The following FER variants were observed in gnomAD, a reference collection of about 807,000 sequenced individuals.
FER encodes FER tyrosine kinase.
FER carries 63 observed loss-of-function variants against 111.0 expected under a neutral mutation model. That is an observed-to-expected ratio of 0.57 (90% confidence interval 0.46 to 0.70). The LOEUF (loss-of-function observed/expected upper bound fraction) is 0.70, where lower values mean the gene tolerates loss of function less well. Among genes scored for constraint, FER ranks in the 30% least tolerant of loss-of-function variants. The pLI, the probability that FER is intolerant of heterozygous loss-of-function variation, is 0.00. For missense variants in FER, 914 were observed against 954.0 expected (o/e 0.96, Z 0.55); for synonymous variants, 327 against 313.9 (o/e 1.04, Z -0.44).
At chr5:109,127,308 T>TAG (rs1223118014) in intron 17 of FER, among the ~76,000 whole-genome samples, 8 of 152,222 alleles carry the variant, frequency 5.3e-5, no homozygotes, top group Non-Finnish European at 5.9e-5. Context: ...AGTGTGTCTC[T>TAG]GTGTGTATTG....
At chr5:109,086,615 A>G (rs75732594) in intron 16 of FER, among the ~76,000 whole-genome samples, 5,197 of 151,660 alleles carry the variant, frequency 0.034, 145 homozygotes, top group South Asian at 0.085. Flanking sequence ...TATGTAGATT[A>G]ATTTTCATTC....
chr5:108,911,475 C>T (rs1406429126), intron 10 of FER, among the ~76,000 whole-genome samples: 1 of 151,948 alleles, frequency 6.6e-6, no homozygotes, highest in Admixed American at 6.6e-5. Context: ...TAGTTTAAGT[C>T]TCATTTATCT....
chr5:108,922,695 C>A (rs1397769425), intron 10 of FER, among the ~76,000 whole-genome samples: 1 of 151,918 alleles, frequency 6.6e-6, no homozygotes, highest in African/African-American at 2.4e-5. Context: ...AAAATATAAA[C>A]TTATTCTGGT....
intron 5 of FER, among the ~76,000 whole-genome samples, chr5:108,853,332 A>C (rs1036061005): frequency 6.6e-6 from 1 of 152,242 alleles, no homozygotes; most frequent in Non-Finnish European, 1.5e-5. Flanking sequence ...ATAACAATAC[A>C]TACAAAAATC....
chr5:108,836,652 C>T (rs976481387), intron 5 of FER, among the ~76,000 whole-genome samples: 5 of 152,030 alleles, frequency 3.3e-5, no homozygotes, highest in African/African-American at 1.2e-4. Flanking sequence ...GTTAAACATT[C>T]TCGTTATTTT....
intron 10 of FER, among the ~76,000 whole-genome samples, chr5:108,929,139 G>A (rs187828374): frequency 9.2e-5 from 14 of 152,172 alleles, no homozygotes; most frequent in South Asian, 2.1e-4. Context: ...CAATCACAGC[G>A]GGTAAGATGT....
At chr5:109,186,383 T>TA (rs1758866994) in intron 19 of FER, 61 bp downstream of exon 19, 9 of 1,612,462 alleles carry the variant, frequency 5.6e-6, no homozygotes, top group Non-Finnish European at 7.6e-6. Context: ...GCAGTGCTTA[T>TA]AGTGTGTCTG....
intron 13 of FER, among the ~76,000 whole-genome samples, chr5:108,979,485 T>C (rs1179929096): frequency 1.3e-5 from 2 of 152,176 alleles, no homozygotes; most frequent in African/African-American, 4.8e-5. Flanking sequence ...CATTTAAATA[T>C]TAAGTCAGAG....
chr5:108,865,622 G>A (rs547916712), intron 5 of FER, among the ~76,000 whole-genome samples: 1 of 152,218 alleles, frequency 6.6e-6, no homozygotes, highest in Non-Finnish European at 1.5e-5. Flanking sequence ...CACAGCAAAA[G>A]AAACCTACCA....
intron 5 of FER, among the ~76,000 whole-genome samples, chr5:108,862,948 A>G: frequency 6.6e-6 from 1 of 152,100 alleles, no homozygotes; most frequent in East Asian, 1.9e-4. Context: ...AATTAATATG[A>G]CTTAGCTTCT....
intron 2 of FER, among the ~76,000 whole-genome samples, chr5:108,790,997 T>C (rs1422926246): frequency 6.6e-6 from 1 of 152,258 alleles, no homozygotes. Context: ...CATTGCCAAA[T>C]TATATTCCAT....
intron 17 of FER, among the ~76,000 whole-genome samples, chr5:109,147,790 TATATATATATAGAGAGAGAG>T: frequency 7.5e-6 from 1 of 133,088 alleles, no homozygotes; most frequent in South Asian, 2.5e-4. Flanking sequence ...CATATATATA[TATATATATATAGAGAGAGAG>T]AGAGAGAGAG....
At chr5:108,963,310 C>T (rs964266584) in intron 13 of FER, among the ~76,000 whole-genome samples, 1 of 152,060 alleles carries the variant, frequency 6.6e-6, no homozygotes, top group Non-Finnish European at 1.5e-5. Context: ...TGCCTGTAAT[C>T]CCAGGACTTT....
chr5:108,938,036 AC>A (rs1561647621), intron 10 of FER, among the ~76,000 whole-genome samples: 12 of 80,338 alleles, frequency 1.5e-4, no homozygotes, highest in African/African-American at 4.6e-4. Context: ...TCACACACAC[AC>A]ACACACACAC....
At chr5:108,885,338 A>G (rs1333088088) in intron 9 of FER, among the ~76,000 whole-genome samples, 1 of 151,930 alleles carries the variant, frequency 6.6e-6, no homozygotes, top group Non-Finnish European at 1.5e-5. Flanking sequence ...AACATCATCC[A>G]TTCTATTATA....
chr5:108,937,396 G>A (rs149221211), intron 10 of FER, among the ~76,000 whole-genome samples: 351 of 152,072 alleles, frequency 2.3e-3, no homozygotes, highest in African/African-American at 8.1e-3. Context: ...AAGTCACACG[G>A]ATGTTTCAAC....
chr5:109,007,730 G>A (rs906386139), intron 13 of FER, among the ~76,000 whole-genome samples: 7 of 152,088 alleles, frequency 4.6e-5, no homozygotes, highest in Non-Finnish European at 7.4e-5. Context: ...TTCATTTAAA[G>A]CGTTTTATGT....
intron 13 of FER, among the ~76,000 whole-genome samples, chr5:109,024,891 GC>G (rs1768465051): frequency 6.6e-6 from 1 of 150,604 alleles, no homozygotes; most frequent in Non-Finnish European, 1.5e-5. Context: ...TTTCCCCATT[GC>G]TTGTTTTTCT....
chr5:109,059,574 C>T (rs1466822779), intron 16 of FER, among the ~76,000 whole-genome samples: 2 of 152,122 alleles, frequency 1.3e-5, no homozygotes, highest in African/African-American at 4.8e-5. Context: ...GTCTCCTTCC[C>T]TTATTTCTTT....
Sources: allele counts gnomAD v4.1 joint callset (sites outside exome capture counted in the v4.1 genomes callset), GRCh38; gene constraint gnomAD v4.1.1; transcripts MANE v1.5; gene names NCBI Gene and HGNC (gene_info 2026-07-23, HGNC 2026-07-21).